G3BP2: variants seen among roughly 807,000 people sequenced by gnomAD.
The protein encoded by G3BP2 is G3BP stress granule assembly factor 2, also known as ras GTPase-activating protein-binding protein 2.
Under a neutral mutation model 56.7 loss-of-function variants are expected in G3BP2, and 11 were observed. The ratio of observed to expected loss-of-function variants is 0.19; its 90% confidence interval spans 0.12 to 0.32. The LOEUF is 0.32. Ranked by LOEUF, G3BP2 falls within the 10% of genes least tolerant of loss-of-function variation. The pLI is 1.00. For missense variants in G3BP2, 340 were observed against 610.9 expected (o/e 0.56, Z 4.67); for synonymous variants, 165 against 191.6 (o/e 0.86, Z 1.15).
chr4:75,706,861 G>A (rs1191997580), intron 3 of G3BP2, among the ~76,000 whole-genome samples: 3 of 152,112 alleles, frequency 2.0e-5, no homozygotes, highest in African/African-American at 7.2e-5. Context: ...GGACTATTAT[G>A]CATAGCAAGG....
At chr4:75,691,677 C>G (rs769915803) in intron 3 of G3BP2, among the ~76,000 whole-genome samples, 1 of 152,172 alleles carries the variant, frequency 6.6e-6, no homozygotes, top group Non-Finnish European at 1.5e-5. Context: ...ACGGTGATTC[C>G]CAAACTTGGT....
At chr4:75,673,920 A>G, upstream of G3BP2, 1 of 161,898 alleles carries the variant, frequency 6.2e-6, no homozygotes, top group Non-Finnish European at 1.3e-5. Context: ...CTAGGTTTTA[A>G]GCCCCATTAA....
intron 3 of G3BP2, among the ~76,000 whole-genome samples, chr4:75,709,063 C>A (rs1229406870): frequency 6.6e-6 from 1 of 151,896 alleles, no homozygotes; most frequent in Non-Finnish European, 1.5e-5. Context: ...TGAGTCATAA[C>A]CAGTCACTGC....
intron 8 of G3BP2, among the ~76,000 whole-genome samples, chr4:75,649,693 T>C (rs1013013015): frequency 3.9e-5 from 6 of 152,128 alleles, no homozygotes; most frequent in East Asian, 3.9e-4. Context: ...ATGGAGAACA[T>C]GTCCTCAACT....
At chr4:75,675,361 T>A (rs1435473128), upstream of G3BP2, among the ~76,000 whole-genome samples, 1 of 152,198 alleles carries the variant, frequency 6.6e-6, no homozygotes, top group Non-Finnish European at 1.5e-5. Flanking sequence ...TGCACCGAAA[T>A]CACCTGTAGG....
chr4:75,648,071 C>T (rs1010993037), intron 9 of G3BP2, among the ~76,000 whole-genome samples: 36 of 152,206 alleles, frequency 2.4e-4, no homozygotes, highest in African/African-American at 7.9e-4. Context: ...GTGACTAGGC[C>T]GGGCACAGTG....
At chr4:75,661,804 G>T (rs1382269088) in intron 2 of G3BP2, 127 bp downstream of exon 2, 1 of 575,852 alleles carries the variant, frequency 1.7e-6, no homozygotes, top group Non-Finnish European at 3.1e-6. Context: ...ATAAAATATT[G>T]AATACAGTTT....
chr4:75,691,224 T>G (rs895223109), intron 3 of G3BP2, among the ~76,000 whole-genome samples: 1 of 152,008 alleles, frequency 6.6e-6, no homozygotes, highest in African/African-American at 2.4e-5. Flanking sequence ...GGATTACAGG[T>G]GTGCACCACC....
chr4:75,694,975 C>T (rs901776851), intron 3 of G3BP2: 7 of 977,076 alleles, frequency 7.2e-6, no homozygotes, highest in Non-Finnish European at 8.5e-6. Context: ...AAGAGGTAAT[C>T]GTCAAGACCC....
chr4:75,665,085 T>C (rs1732895973), intron 1 of G3BP2, among the ~76,000 whole-genome samples: 1 of 152,236 alleles, frequency 6.6e-6, no homozygotes, highest in African/African-American at 2.4e-5. Flanking sequence ...GTCATTAAAA[T>C]TGTGATGCTG....
intron 1 of G3BP2, among the ~76,000 whole-genome samples, chr4:75,663,949 G>A (rs1732778908): frequency 7.0e-5 from 1 of 14,196 alleles, no homozygotes; most frequent in African/African-American, 2.4e-4. Flanking sequence ...CCAGTGGTAC[G>A]ATCTTGGCTC....
rs963411406 is a variant in G3BP2 at position 75,716,576 on chromosome 4, C to T, written c.-25+4301G>A. ...TGTCACCCAGGCTGGAGTGCAGTGG[C>T]GCGATCTCGGCTCACCGCAACCTCC... On this transcript the variant is annotated intron_variant, in intron 3 of 3. Transcript: ENST00000499709. Among the ~76,000 whole-genome samples the T allele has an allele frequency of 2.7e-5, 4 of 150,470 alleles. No homozygotes were observed. In the South Asian group the frequency reaches 6.4e-4, roughly 24 times the overall value.
intron 3 of G3BP2, among the ~76,000 whole-genome samples, chr4:75,710,580 T>G (rs1719716786): frequency 6.6e-6 from 1 of 152,224 alleles, no homozygotes; most frequent in Non-Finnish European, 1.5e-5. Flanking sequence ...AAATCCCCAG[T>G]GGCATAGTAG....
At position 75,644,773 on chromosome 4, in the gene G3BP2, T is replaced by C. The variant is rs1002065334; in HGVS notation, c.*657A>G. 6.5e-6 allele frequency: 1 copy of C among 152,698 alleles called. No homozygotes were observed. The highest frequency in any genetic ancestry group is 1.5e-5 in the Non-Finnish European group (1 of 68,066). The allele number at this position is 152,698 out of a possible 1,614,324, so 9.5% of individuals were successfully genotyped here. A position where few individuals can be genotyped will look rare whatever the true frequency, so the allele number is the denominator to read the frequency against. ...ATTATTTAGTTCATAACTAAAATGA[T>C]TTCCTTCTGGAATATACTTGTAGTC... On this transcript the variant is annotated 3_prime_UTR_variant, in exon 12 of 12. Coordinates refer to ENST00000359707, the MANE Select transcript of G3BP2 (RefSeq NM_203505.3).
intron 3 of G3BP2, among the ~76,000 whole-genome samples, chr4:75,658,595 T>C (rs1437282883): frequency 6.6e-6 from 1 of 151,670 alleles, no homozygotes; most frequent in East Asian, 1.9e-4. Flanking sequence ...GGTGTGGTGG[T>C]GCATGCCTGT....
upstream of G3BP2, among the ~76,000 whole-genome samples, chr4:75,674,708 ATATATATATATTTTTTTTT>A (rs1337091058): frequency 1.6e-4 from 7 of 44,248 alleles, no homozygotes; most frequent in Admixed American, 7.6e-4. Context: ...ATATATATAT[ATATATATATATTTTTTTTT>A]TTTTTTTTTT....
At chr4:75,654,390 AT>A (rs1731925745) in intron 7 of G3BP2, among the ~76,000 whole-genome samples, 1 of 152,226 alleles carries the variant, frequency 6.6e-6, no homozygotes, top group East Asian at 1.9e-4. Flanking sequence ...CCTGAACCTA[AT>A]AGAAACAATT....
chr4:75,647,093 A>G lies in G3BP2; in HGVS notation c.993T>C (p.His331=). 2 of 1,596,494 alleles carry G rather than the reference A, an allele frequency of 1.3e-6. No homozygotes were observed. The highest frequency in any genetic ancestry group is 1.7e-6 in the Non-Finnish European group (2 of 1,164,800). Residue 331 remains histidine (H), a synonymous_variant, in exon 10 of 12, where the codon CAT becomes CAC. Coordinates refer to ENST00000359707, the MANE Select transcript of G3BP2 (RefSeq NM_203505.3). ...GTGGCAAGTTACCAACAAAAAGTTG[A>G]TGACTATCTGGATAGCGAATTATTC... ...NRRIIRYPDS[H]QLFVGNLPHD... is the part of the protein sequence containing the mutation.
chr4:75,648,216 C>T (rs145613429), intron 9 of G3BP2, among the ~76,000 whole-genome samples: 1,562 of 151,974 alleles, frequency 0.01, 33 homozygotes, highest in African/African-American at 0.036. Context: ...GGCCTGGTGG[C>T]GTGTGCCTGT....
Sources: allele counts gnomAD v4.1 joint callset (sites outside exome capture counted in the v4.1 genomes callset), GRCh38; gene constraint gnomAD v4.1.1; transcripts MANE v1.5; gene names NCBI Gene and HGNC (gene_info 2026-07-23, HGNC 2026-07-21).